Variants in NTM observed in about 807,000 individuals in gnomAD.
NTM encodes IgLON family member 2.
Under a neutral mutation model 42.1 loss-of-function variants are expected in NTM, and 13 were observed. The ratio of observed to expected loss-of-function variants is 0.31; its 90% CI spans 0.20 to 0.49. The LOEUF (loss-of-function observed/expected upper bound fraction) is 0.49. Ranked by LOEUF, NTM falls within the 20% of genes least tolerant of loss-of-function variation. NTM has a pLI of 0.99. For synonymous variants in NTM, 187 were observed against 179.2 expected (o/e 1.04, Z -0.35); for missense variants, 373 against 452.8 (o/e 0.82, Z 1.60).
intron 1 of NTM, among the ~76,000 whole-genome samples, chr11:131,529,670 A>G (rs2050971397): frequency 6.6e-6 from 1 of 152,178 alleles, no homozygotes; most frequent in South Asian, 2.1e-4. Context: ...TTTATACAAG[A>G]AAGATAAACC....
intron 1 of NTM, among the ~76,000 whole-genome samples, chr11:131,840,718 A>T (rs1175658015): frequency 6.6e-6 from 1 of 152,320 alleles, no homozygotes; most frequent in East Asian, 1.9e-4. Context: ...CCCCCAGAAG[A>T]GGATGTGAAA....
At chr11:132,303,633 G>C (rs1562698) in intron 4 of NTM, among the ~76,000 whole-genome samples, 1 of 151,184 alleles carries the variant, frequency 6.6e-6, no homozygotes, top group Non-Finnish European at 1.5e-5. Flanking sequence ...ACCCATAATA[G>C]GGTGTTTGCA....
intron 1 of NTM, among the ~76,000 whole-genome samples, chr11:131,492,881 T>C (rs1954944105): frequency 6.6e-6 from 1 of 152,118 alleles, no homozygotes; most frequent in Non-Finnish European, 1.5e-5. Flanking sequence ...CTGTTTGGCC[T>C]CTTGTCTAGG....
intron 2 of NTM, among the ~76,000 whole-genome samples, chr11:132,104,849 G>A (rs540844274): frequency 1.2e-4 from 17 of 147,806 alleles, no homozygotes; most frequent in Non-Finnish European, 2.4e-4. Flanking sequence ...AGGCTGCAGT[G>A]AGCTGTGATT....
At chr11:131,832,615 G>C (rs1003460501) in intron 1 of NTM, among the ~76,000 whole-genome samples, 1 of 152,148 alleles carries the variant, frequency 6.6e-6, no homozygotes, top group African/African-American at 2.4e-5. Context: ...ACTCAAAGCA[G>C]GGTCTGGCAT....
At chr11:131,512,265 G>T (rs576456123) in intron 1 of NTM, among the ~76,000 whole-genome samples, 2 of 152,150 alleles carry the variant, frequency 1.3e-5, no homozygotes, top group Admixed American at 6.5e-5. Flanking sequence ...TTTTTGAGTT[G>T]GTTCTTTTGT....
At chr11:131,509,298 T>C (rs1210880812) in intron 1 of NTM, among the ~76,000 whole-genome samples, 1 of 152,168 alleles carries the variant, frequency 6.6e-6, no homozygotes, top group Non-Finnish European at 1.5e-5. Context: ...GGTGCCACTC[T>C]GCATGGGCTC....
intron 1 of NTM, among the ~76,000 whole-genome samples, chr11:131,483,808 A>G (rs1953876797): frequency 1.3e-5 from 2 of 152,266 alleles, no homozygotes; most frequent in Non-Finnish European, 1.5e-5. Flanking sequence ...TGGGGGAAGC[A>G]GAGCCTGTCT....
chr11:131,543,095 G>A (rs920127796), intron 1 of NTM, among the ~76,000 whole-genome samples: 45 of 152,182 alleles, frequency 3.0e-4, no homozygotes, highest in African/African-American at 1.0e-3. Context: ...CAGAGTGAAC[G>A]TATCTCCTAC....
chr11:131,780,290 A>C (rs370113749), intron 1 of NTM, among the ~76,000 whole-genome samples: 78 of 152,232 alleles, frequency 5.1e-4, no homozygotes, highest in African/African-American at 1.8e-3. Context: ...GTGCATAAGG[A>C]AGTCAGATCT....
chr11:131,695,237 T>G (rs1344247493), intron 1 of NTM, among the ~76,000 whole-genome samples: 3 of 145,062 alleles, frequency 2.1e-5, no homozygotes, highest in Non-Finnish European at 4.5e-5. Flanking sequence ...GTGGCCTTAG[T>G]GTCTTGGCCA....
At chr11:132,220,910 C>T (rs949871765) in intron 4 of NTM, among the ~76,000 whole-genome samples, 12 of 152,172 alleles carry the variant, frequency 7.9e-5, no homozygotes, top group Non-Finnish European at 1.3e-4. Context: ...ATCTCTCAAC[C>T]AGCACCCATA....
rs1220286563 is a variant in NTM, at chr11:132,268,971, G to A, written c.527-38718G>A. ...TTCCTCAGACTTGGGCATAATCGAA[G>A]GATCATCTGGATCTCTGCTTCTCCT... On this transcript the variant is annotated intron_variant, in intron 4 of 8. Transcript: ENST00000683400. Among the ~76,000 whole-genome samples, 4 of 151,968 alleles carry A rather than the reference G, an allele frequency of 2.6e-5. No homozygotes were observed. In the East Asian group the frequency reaches 5.8e-4, roughly 22 times the overall value.
chr11:132,148,508 G>T (rs950379429), intron 3 of NTM, among the ~76,000 whole-genome samples: 1 of 152,014 alleles, frequency 6.6e-6, no homozygotes, highest in Non-Finnish European at 1.5e-5. Flanking sequence ...GACAATGAGA[G>T]ACTGGGAACT....
chr11:131,836,468 G>A (rs1226067853), intron 1 of NTM, among the ~76,000 whole-genome samples: 1 of 152,176 alleles, frequency 6.6e-6, no homozygotes, highest in Non-Finnish European at 1.5e-5. Context: ...TATATAGACA[G>A]TGAATTTTGA....
At chr11:131,760,453 G>T (rs182789965) in intron 1 of NTM, among the ~76,000 whole-genome samples, 6 of 152,310 alleles carry the variant, frequency 3.9e-5, no homozygotes, top group African/African-American at 1.4e-4. Context: ...CCGATATGCT[G>T]GTTCATCAGC....
chr11:131,876,649 T>C (rs1242171246), intron 1 of NTM, among the ~76,000 whole-genome samples: 2 of 152,196 alleles, frequency 1.3e-5, no homozygotes, highest in Non-Finnish European at 2.9e-5. Flanking sequence ...AGAACCACCA[T>C]TGAAGAGATA....
intron 1 of NTM, among the ~76,000 whole-genome samples, chr11:131,824,252 G>A (rs542130750): frequency 6.6e-6 from 1 of 152,230 alleles, no homozygotes; most frequent in African/African-American, 2.4e-5. Context: ...CAAGCCATTT[G>A]GTAGTAATTA....
chr11:131,444,995 G>T (rs116372625), intron 1 of NTM, among the ~76,000 whole-genome samples: 2,558 of 152,268 alleles, frequency 0.017, 67 homozygotes, highest in African/African-American at 0.056. Context: ...AGAGAGAAAA[G>T]TAAGTGCATA....
Sources: allele counts gnomAD v4.1 joint callset (sites outside exome capture counted in the v4.1 genomes callset), GRCh38; gene constraint gnomAD v4.1.1; transcripts MANE v1.5; gene names NCBI Gene and HGNC (gene_info 2026-07-23, HGNC 2026-07-21).